Variants in SNX29 observed in about 807,000 individuals in gnomAD.
The protein encoded by SNX29 is sorting nexin 29, also known as sorting nexin-29.
SNX29 carries 78 observed loss-of-function variants against 102.1 expected under a neutral mutation model. That is an observed-to-expected ratio of 0.76 (90% CI 0.64 to 0.92). The LOEUF is 0.92. Ranked by LOEUF, SNX29 falls within the 40% of genes least tolerant of loss-of-function variation. The probability of loss-of-function intolerance (pLI) is 0.00; values close to 1 mark genes in which losing one functional copy is unlikely to be tolerated. For missense variants in SNX29, 1,280 were observed against 1,061.7 expected (o/e 1.21, Z -2.86); for synonymous variants, 580 against 414.5 (o/e 1.40, Z -4.85).
At position 12,514,788 on chromosome 16, in the gene SNX29, C is replaced by T. The variant is rs146215436; in HGVS notation, c.2179-9914C>T. On this transcript the variant is annotated intron_variant, in intron 19 of 20. Coordinates refer to ENST00000566228, the MANE Select transcript of SNX29 (RefSeq NM_032167.5). ...GCTGAGGCAGGAGAATCACTTGAAC[C>T]GGGGAGGTGGAGGTTGCAGTGAGCC... is the stretch of plus-strand genomic sequence containing the variant. Among the ~76,000 whole-genome samples the T allele has an allele frequency of 2.7e-4, 41 of 152,042 alleles. 1 individual carries two copies. The East Asian group carries it at 7.0e-3, about 26-fold the overall frequency.
chr16:12,512,998 A>T (rs1327473320), intron 19 of SNX29, among the ~76,000 whole-genome samples: 1 of 152,028 alleles, frequency 6.6e-6, no homozygotes, highest in Non-Finnish European at 1.5e-5. Context: ...GTCCCCCCAG[A>T]GGGCAGTGGC....
rs2141573221 is a variant in SNX29, at chr16:12,568,829, A to AG, written c.*202dup. Reference sequence around the variant, plus strand: ...CATGATACCGTGACCCGAGAGACCAAGGCAGCACCTCGCTGGAGAGACTGG... The same window carrying AG: ...CATGATACCGTGACCCGAGAGACCAAGGGCAGCACCTCGCTGGAGAGACTGG... On this transcript the variant is annotated 3_prime_UTR_variant, in exon 21 of 21. Coordinates refer to ENST00000566228, the MANE Select transcript of SNX29 (RefSeq NM_032167.5). The AG allele has an allele frequency of 1.3e-6, 1 of 799,612 alleles. No individual in the cohort carries two copies. Among genetic ancestry groups the AG allele is most frequent in the East Asian group, 2.8e-5 (1 of 35,950 alleles). 49.5% of individuals were successfully genotyped at this position (799,612 alleles called of 1,614,324 possible). A position where few individuals can be genotyped will look rare whatever the true frequency, so the allele number is the denominator to read the frequency against.
At chr16:12,550,531 C>CAAA (rs34325828) in intron 20 of SNX29, among the ~76,000 whole-genome samples, 3 of 108,178 alleles carry the variant, frequency 2.8e-5, no homozygotes, top group African/African-American at 5.9e-5. Flanking sequence ...TCTCAATCTA[C>CAAA]AAAAAAAAAA....
chr16:12,371,686 T>G (rs1005805001), intron 16 of SNX29, among the ~76,000 whole-genome samples: 2 of 152,248 alleles, frequency 1.3e-5, no homozygotes, highest in African/African-American at 2.4e-5. Flanking sequence ...AGCCTGAGTG[T>G]GTGGGCCTCC....
intron 14 of SNX29, among the ~76,000 whole-genome samples, chr16:12,272,939 A>G (rs2079134822): frequency 6.6e-6 from 1 of 152,226 alleles, no homozygotes; most frequent in South Asian, 2.1e-4. Flanking sequence ...CGCAACACGC[A>G]GCTCCCCATC....
intron 13 of SNX29, among the ~76,000 whole-genome samples, chr16:12,154,350 C>T (rs1284180431): frequency 1.3e-5 from 2 of 152,160 alleles, no homozygotes; most frequent in Non-Finnish European, 2.9e-5. Flanking sequence ...TCTGAGACCC[C>T]CCACAGTGGG....
At chr16:12,038,652 A>G (rs1405359865) in intron 4 of SNX29, 2 of 152,248 alleles carry the variant, frequency 1.3e-5, no homozygotes, top group East Asian at 3.8e-4. Flanking sequence ...CATCATCAGC[A>G]TCACCCTGAC....
intron 14 of SNX29, among the ~76,000 whole-genome samples, chr16:12,252,798 T>G (rs1289251341): frequency 1.3e-5 from 2 of 152,296 alleles, no homozygotes; most frequent in Admixed American, 1.3e-4. Flanking sequence ...ATGGGGAGCC[T>G]TTGGTGGGCC....
chr16:12,557,431 G>A (rs529357903), intron 20 of SNX29: 2 of 152,242 alleles, frequency 1.3e-5, no homozygotes, highest in East Asian at 3.9e-4. Context: ...GCATGATGTT[G>A]GCTCACTGCA....
intron 15 of SNX29, among the ~76,000 whole-genome samples, chr16:12,331,987 T>TA (rs1360714747): frequency 6.6e-6 from 1 of 152,012 alleles, no homozygotes; most frequent in Non-Finnish European, 1.5e-5. Flanking sequence ...TTGAACCTAG[T>TA]AGGTGGAGCC....
At chr16:12,259,943 C>T (rs1417733058) in intron 14 of SNX29, among the ~76,000 whole-genome samples, 3 of 152,190 alleles carry the variant, frequency 2.0e-5, no homozygotes, top group South Asian at 2.1e-4. Flanking sequence ...CTGCCTCTGC[C>T]TCTGCCCCAT....
intron 13 of SNX29, among the ~76,000 whole-genome samples, chr16:12,191,967 C>CTTT (rs1316774547): frequency 6.6e-6 from 1 of 152,132 alleles, no homozygotes; most frequent in African/African-American, 2.4e-5. Context: ...TCGAGCTGTG[C>CTTT]TTTTTTACAT....
At chr16:12,207,389 A>AG (rs1399991884) in intron 14 of SNX29, among the ~76,000 whole-genome samples, 1 of 152,118 alleles carries the variant, frequency 6.6e-6, no homozygotes, top group East Asian at 1.9e-4. Flanking sequence ...AAAATAAAAA[A>AG]CAAAAACCAG....
intron 18 of SNX29, among the ~76,000 whole-genome samples, chr16:12,429,620 T>C (rs1397406671): frequency 1.3e-5 from 2 of 152,226 alleles, no homozygotes; most frequent in African/African-American, 4.8e-5. Flanking sequence ...TACTCTACAC[T>C]TTACACCAAA....
intron 13 of SNX29, among the ~76,000 whole-genome samples, chr16:12,164,660 A>G (rs1052947803): frequency 3.4e-5 from 5 of 146,822 alleles, no homozygotes; most frequent in East Asian, 2.0e-4. Flanking sequence ...CAGAATTCAT[A>G]TAAGTGTGTT....
At chr16:12,458,002 A>G (rs1459546258) in intron 18 of SNX29, among the ~76,000 whole-genome samples, 1 of 152,182 alleles carries the variant, frequency 6.6e-6, no homozygotes, top group Non-Finnish European at 1.5e-5. Context: ...TTTGTTTTTC[A>G]TTACTCTGAA....
chr16:12,572,404 G>A lies in SNX29; in HGVS notation c.*3775G>A. 1 of 1,063,630 alleles carries A rather than the reference G, an allele frequency of 9.4e-7. No homozygotes were observed. The highest frequency in any genetic ancestry group is 5.0e-5 in the East Asian group (1 of 19,878). 65.9% of individuals were successfully genotyped at this position (1,063,630 alleles called of 1,614,324 possible). A position where few individuals can be genotyped will look rare whatever the true frequency, so the allele number is the denominator to read the frequency against. On this transcript the variant is annotated 3_prime_UTR_variant, in exon 21 of 21. Transcript: ENST00000566228. ...CTTATATCCCAACAGCCTGAGGCAG[G>A]GCTCTGTGGCCCAGGCCGGCAGTGG...
intron 14 of SNX29, among the ~76,000 whole-genome samples, chr16:12,257,678 G>A (rs2078615469): frequency 7.1e-6 from 1 of 140,556 alleles, no homozygotes; most frequent in South Asian, 2.2e-4. Context: ...CACCATGCCC[G>A]GCTTATTTAA....
chr16:12,361,895 C>T (rs1389246135), intron 16 of SNX29, among the ~76,000 whole-genome samples: 2 of 151,532 alleles, frequency 1.3e-5, no homozygotes, highest in African/African-American at 4.9e-5. Context: ...TAACTGTTAC[C>T]AGTCTTGGGT....
Sources: allele counts gnomAD v4.1 joint callset (sites outside exome capture counted in the v4.1 genomes callset), GRCh38; gene constraint gnomAD v4.1.1; transcripts MANE v1.5; gene names NCBI Gene and HGNC (gene_info 2026-07-23, HGNC 2026-07-21).